The following RUBCN variants were observed in gnomAD, a reference collection of about 807,000 sequenced individuals.
The protein encoded by RUBCN is run domain Beclin-1-interacting and cysteine-rich domain-containing protein.
Under a neutral mutation model 113.2 loss-of-function variants are expected in RUBCN, and 74 were observed. That is an observed-to-expected ratio of 0.65 (90% confidence interval 0.54 to 0.79). The LOEUF (loss-of-function observed/expected upper bound fraction) is 0.79. Ranked by LOEUF, RUBCN falls within the 30% of genes least tolerant of loss-of-function variation. The probability of loss-of-function intolerance (pLI) is 0.00; values close to 1 mark genes in which losing one functional copy is unlikely to be tolerated. For missense variants in RUBCN, 1,109 were observed against 1,251.7 expected, an observed-to-expected ratio of 0.89 and a Z score of 1.72; for synonymous variants, 480 against 490.0, an observed-to-expected ratio of 0.98 and a Z score of 0.27.
chr3:197,708,576 G>C (rs1016596755), intron 2 of RUBCN, among the ~76,000 whole-genome samples: 1 of 101,318 alleles, frequency 9.9e-6, no homozygotes, highest in Admixed American at 9.5e-5. Flanking sequence ...AAAAAAAAAA[G>C]AGCAATGCTA....
At chr3:197,732,169 T>C (rs1456214489) in intron 1 of RUBCN, among the ~76,000 whole-genome samples, 1 of 152,212 alleles carries the variant, frequency 6.6e-6, no homozygotes, top group East Asian at 1.9e-4. Context: ...CCAGGAGCAC[T>C]GAGCAGTACA....
chr3:197,748,498 T>C (rs1176173678), intron 1 of RUBCN: 1 of 152,130 alleles, frequency 6.6e-6, no homozygotes, highest in African/African-American at 2.4e-5. Context: ...TAAGAAGTTA[T>C]TTAGAATATT....
intron 5 of RUBCN, among the ~76,000 whole-genome samples, chr3:197,703,329 T>TA (rs1242596927): frequency 7.7e-6 from 1 of 130,586 alleles, no homozygotes; most frequent in Non-Finnish European, 1.5e-5. Context: ...ACCCAGGAGA[T>TA]AGAGGTTGCA....
chr3:197,742,683 C>G (rs527594218), intron 1 of RUBCN, among the ~76,000 whole-genome samples: 1 of 152,192 alleles, frequency 6.6e-6, no homozygotes, highest in African/African-American at 2.4e-5. Flanking sequence ...TAGTCTCCCC[C>G]AGCCTGGGCT....
chr3:197,722,963 G>A (rs1726331878), intron 1 of RUBCN, among the ~76,000 whole-genome samples: 2 of 151,942 alleles, frequency 1.3e-5, no homozygotes, highest in Admixed American at 1.3e-4. Context: ...TTACATTTAA[G>A]GTAATTATCG....
chr3:197,685,011 G>A (rs1224474753), intron 11 of RUBCN, among the ~76,000 whole-genome samples: 1 of 152,174 alleles, frequency 6.6e-6, no homozygotes, highest in Non-Finnish European at 1.5e-5. Context: ...GCAGCTCTCT[G>A]GAGATGCCTG....
intron 1 of RUBCN, among the ~76,000 whole-genome samples, chr3:197,742,533 A>G (rs1728567660): frequency 6.6e-6 from 1 of 152,144 alleles, no homozygotes; most frequent in African/African-American, 2.4e-5. Context: ...AATCCTTAAC[A>G]TAGTTGACGA....
At chr3:197,718,282 G>C in intron 1 of RUBCN, 152 bp from the exon 2 acceptor site, 1 of 817,448 alleles carries the variant, frequency 1.2e-6, no homozygotes, top group South Asian at 1.5e-5. Context: ...ACTCAACTCT[G>C]AGAGAATTAA....
At chr3:197,721,898 G>A (rs1261007486) in intron 1 of RUBCN, among the ~76,000 whole-genome samples, 1 of 152,094 alleles carries the variant, frequency 6.6e-6, no homozygotes, top group East Asian at 1.9e-4. Flanking sequence ...AGTTTCCTAA[G>A]TTGTTCTTGT....
chr3:197,727,722 T>C (rs1252036868), intron 1 of RUBCN, among the ~76,000 whole-genome samples: 1 of 152,216 alleles, frequency 6.6e-6, no homozygotes, highest in Non-Finnish European at 1.5e-5. Context: ...TGGTAAAGAC[T>C]TAAATCTGCT....
Position 197,675,807 on chromosome 3 carries a change from C to T in RUBCN, c.2647-292G>A, listed in dbSNP as rs185061718. Among the ~76,000 whole-genome samples the T allele has an allele frequency of 3.1e-4, 46 of 150,688 alleles. No individual in the cohort carries two copies. The highest frequency in any genetic ancestry group is 4.2e-4 in the Non-Finnish European group (28 of 67,308). ...TGGCACCACAAAGGGCTTCCTAAGC[C>T]GACAGTCCCATCTGGGTCATGATTT... On this transcript the variant is annotated intron_variant, in intron 18 of 19. Coordinates refer to ENST00000296343, the MANE Select transcript of RUBCN (RefSeq NM_014687.4). The surrounding 1 kb of genome is among the most constrained non-coding windows in gnomAD (Gnocchi z 4.4).
At chr3:197,687,752 G>C (rs961673267) in intron 11 of RUBCN, among the ~76,000 whole-genome samples, 2 of 152,148 alleles carry the variant, frequency 1.3e-5, no homozygotes, top group African/African-American at 2.4e-5. Context: ...CAGTACCCTT[G>C]GGTTCTGAGA....
In RUBCN at chr3:197,681,963, G is replaced by A; in HGVS notation, c.2127-64C>T. On this transcript the variant is annotated intron_variant, in intron 14 of 19. Coordinates refer to ENST00000296343, the MANE Select transcript of RUBCN (RefSeq NM_014687.4). This position sits in a 1 kb window ranked among gnomAD's most constrained non-coding sequence, Gnocchi z 5.5. ...CTGCGTGAGACCTTGGAGGTGTGAAGGAGTGAGCACACATACATACAGCTC... is the reference window on the plus strand; with the variant it reads ...CTGCGTGAGACCTTGGAGGTGTGAAAGAGTGAGCACACATACATACAGCTC... 4 of 1,255,972 alleles carry A rather than the reference G, an allele frequency of 3.2e-6. No individual in the cohort carries two copies. Among genetic ancestry groups the A allele is most frequent in the Non-Finnish European group, 4.7e-6 (4 of 855,332 alleles). The allele number at this position is 1,255,972 out of a possible 1,614,324, so 77.8% of individuals were successfully genotyped here. A position where few individuals can be genotyped will look rare whatever the true frequency, so the allele number is the denominator to read the frequency against.
At chr3:197,699,073 A>G (rs1580245608) in intron 7 of RUBCN, 4 of 763,884 alleles carry the variant, frequency 5.2e-6, no homozygotes, top group East Asian at 2.7e-5. Context: ...TCCAAGCATC[A>G]CAACAAGACC....
Position 197,693,714 on chromosome 3 carries a change from C to T in RUBCN, c.1786+1G>A, listed in dbSNP as rs751585013. The T allele has an allele frequency of 1.9e-6, 3 of 1,601,462 alleles. No individual in the cohort carries two copies. The highest frequency in any genetic ancestry group is 1.7e-6 in the Non-Finnish European group (2 of 1,168,426). ...CCTTGTAACAAAGTGTCACTTCTTA[C>T]CTTGGATTTCAAATTCATCAACCTC... On this transcript the variant is annotated splice_donor_variant, in intron 11 of 19. Coordinates refer to ENST00000296343, the MANE Select transcript of RUBCN (RefSeq NM_014687.4). LOFTEE classifies it high-confidence loss of function.
intron 7 of RUBCN, among the ~76,000 whole-genome samples, chr3:197,700,018 C>A (rs1039171552): frequency 6.6e-6 from 1 of 152,158 alleles, no homozygotes; most frequent in African/African-American, 2.4e-5. Flanking sequence ...ACCTTCCCCA[C>A]GAGTAGGCTG....
chr3:197,749,318 G>C, exon 1 of RUBCN: 1 of 1,148,202 alleles, frequency 8.7e-7, no homozygotes, highest in Non-Finnish European at 1.1e-6. Context: ...CACCGTGCCA[G>C]ATGTTTTGAG....
intron 2 of RUBCN, among the ~76,000 whole-genome samples, chr3:197,706,204 G>A (rs1724282137): frequency 6.6e-6 from 1 of 152,232 alleles, no homozygotes. Flanking sequence ...GGGAAGAGCT[G>A]TGGAGGCAAA....
At chr3:197,727,349 G>C (rs1191358144) in intron 1 of RUBCN, among the ~76,000 whole-genome samples, 1 of 152,126 alleles carries the variant, frequency 6.6e-6, no homozygotes, top group Non-Finnish European at 1.5e-5. Flanking sequence ...GACAATCTAG[G>C]GGAAGCATTA....
Sources: gnomAD v4.1 joint callset for allele counts (sites outside exome capture counted in the v4.1 genomes callset) on GRCh38, gnomAD v4.1.1 for gene constraint, Gnocchi (gnomAD v3.1) non-coding constraint, MANE v1.5 for transcripts, NCBI Gene and HGNC (gene_info 2026-07-23, HGNC 2026-07-21) for gene names.